MAX: variants seen among roughly 807,000 people sequenced by gnomAD.
The protein encoded by MAX is MYC associated transcriptional regulator X, also known as protein max.
A neutral mutation model predicts 22.3 loss-of-function variants in MAX; 3 were observed. The observed-to-expected ratio is 0.13, with a 90% CI of 0.06 to 0.35. MAX has a LOEUF of 0.35. Among genes scored for constraint, MAX ranks in the 10% least tolerant of loss-of-function variants. MAX has a pLI of 1.00. For missense variants in MAX, 119 were observed against 209.4 expected (o/e 0.57, Z 2.66); for synonymous variants, 72 against 77.7 (o/e 0.93, Z 0.39).
rs1315873183 is a variant in MAX, at chr14:65,023,595, C to T, written c.172-17311G>A. On this transcript the variant is annotated intron_variant, in intron 3 of 3. Transcript: ENST00000341653. The surrounding 1 kb of genome is among the most constrained non-coding windows in gnomAD (Gnocchi z 4.1). ...GTGTCTATAAACATCTATACGTGTT[C>T]TATATTGGCCACTAGCCACAGTTAG... 1.3e-5 allele frequency among the ~76,000 whole-genome samples: 2 copies of T among 152,130 alleles called. No individual in the cohort carries two copies. Among genetic ancestry groups the T allele is most frequent in the Non-Finnish European group, 2.9e-5 (2 of 68,004 alleles).
At chr14:65,016,920 G>GT (rs34191835) in intron 3 of MAX, among the ~76,000 whole-genome samples, 34,982 of 114,650 alleles carry the variant, frequency 0.31, 6,918 homozygotes, top group East Asian at 0.52. Flanking sequence ...GGCCCACGTG[G>GT]TTTTTTTTTT....
chr14:65,053,188 A>G (rs2062651765), intron 3 of MAX: 1 of 1,300,254 alleles, frequency 7.7e-7, no homozygotes, highest in Non-Finnish European at 9.9e-7. Flanking sequence ...TAGGTCATTG[A>G]TACTTGGCTG....
In MAX at chr14:65,077,848, G is replaced by C; in HGVS notation, c.295+65C>G. ...GACTGGCTCTGACTCTGCAGGCCCA[G>C]GTGCCAAAGCCTGACCTGGCTGGAG... is the stretch of plus-strand genomic sequence containing the variant. On this transcript the variant is annotated intron_variant, in intron 4 of 4. Transcript: ENST00000358664. This position sits in a 1 kb window ranked among gnomAD's most constrained non-coding sequence, Gnocchi z 6.3. The C allele has an allele frequency of 6.2e-7, 1 of 1,614,212 alleles. No homozygotes were observed. Among genetic ancestry groups the C allele is most frequent in the South Asian group, 1.1e-5 (1 of 91,084 alleles).
rs1472456340 is a variant in MAX at position 65,076,102 on chromosome 14, G to A, written c.*374C>T. The A allele has an allele frequency of 7.8e-5, 99 of 1,268,094 alleles. No individual in the cohort carries two copies. The highest frequency in any genetic ancestry group is 1.4e-4 in the African/African-American group (9 of 66,596). 78.6% of individuals were successfully genotyped at this position (1,268,094 alleles called of 1,614,324 possible). A position where few individuals can be genotyped will look rare whatever the true frequency, so the allele number is the denominator to read the frequency against. On this transcript the variant is annotated 3_prime_UTR_variant, in exon 5 of 5. Coordinates refer to ENST00000358664, the MANE Select transcript of MAX (RefSeq NM_002382.5). This position sits in a 1 kb window ranked among gnomAD's most constrained non-coding sequence, Gnocchi z 6.6. ...AGGAGGCCACCTGGGCAGGGCAGGCGTCCCCCGGGCATGTGCCCGGCAGGG... is the reference window on the plus strand; with the variant it reads ...AGGAGGCCACCTGGGCAGGGCAGGCATCCCCCGGGCATGTGCCCGGCAGGG...
chr14:65,059,302 G>A (rs10146164), intron 3 of MAX, among the ~76,000 whole-genome samples: 17,296 of 151,576 alleles, frequency 0.11, 1,392 homozygotes, highest in African/African-American at 0.23. Context: ...TTATAGGTGT[G>A]AGCCATTGTA....
Position 65,070,115 on chromosome 14 carries a change from G to A in MAX, c.171+23593C>T, listed in dbSNP as rs2062970294. 6.6e-6 allele frequency among the ~76,000 whole-genome samples: 1 copy of A among 152,204 alleles called. No homozygotes were observed. The highest frequency in any genetic ancestry group is 6.5e-5 in the Admixed American group (1 of 15,288). The stretch of plus-strand genomic sequence containing the variant: ...GCCGGATTCCGGATGAGTGACTGGG[G>A]GTGCATGCCCATTGGGTTATTTTTT... On this transcript the variant is annotated intron_variant, in intron 3 of 3. Coordinates refer to the MAX transcript ENST00000341653. The surrounding 1 kb of genome is among the most constrained non-coding windows in gnomAD (Gnocchi z 4.4).
chr14:65,012,205 A>C lies in MAX; in HGVS notation c.172-5921T>G. The stretch of plus-strand genomic sequence containing the variant: ...TGCTGGTTATCCAGTCAGTGATTGC[A>C]GGGGGACGTCCTGAAGCTGAGTGTT... On this transcript the variant is annotated intron_variant, in intron 3 of 3. Coordinates refer to the MAX transcript ENST00000341653. This position sits in a 1 kb window ranked among gnomAD's most constrained non-coding sequence, Gnocchi z 5.0. 1 of 1,322,680 alleles carries C rather than the reference A, an allele frequency of 7.6e-7. No homozygotes were observed. The highest frequency in any genetic ancestry group is 1.1e-6 in the Non-Finnish European group (1 of 936,982). The allele number at this position is 1,322,680 out of a possible 1,614,324, so 81.9% of individuals were successfully genotyped here. A position where few individuals can be genotyped will look rare whatever the true frequency, so the allele number is the denominator to read the frequency against.
intron 3 of MAX, among the ~76,000 whole-genome samples, chr14:65,035,556 G>A (rs1315981363): frequency 2.6e-5 from 4 of 151,932 alleles, no homozygotes; most frequent in Non-Finnish European, 4.4e-5. Flanking sequence ...TTGAGACCGA[G>A]TCTTGCTCTG....
At chr14:65,102,544 A>C (rs1485830220), upstream of MAX, 4 of 1,446,412 alleles carry the variant, frequency 2.8e-6, no homozygotes, top group Non-Finnish European at 3.6e-6. Context: ...GGCGGCACGC[A>C]CGCCCGGTCG....
At chr14:65,016,140 T>TC (rs1406134167) in intron 3 of MAX, among the ~76,000 whole-genome samples, 1 of 152,150 alleles carries the variant, frequency 6.6e-6, no homozygotes, top group African/African-American at 2.4e-5. Context: ...ACCTCCCCGC[T>TC]CCCGGTGCTT....
chr14:65,102,530 C>CA, upstream of MAX: 1 of 1,451,412 alleles, frequency 6.9e-7, no homozygotes, highest in Non-Finnish European at 9.1e-7. Flanking sequence ...AGCACCGGAT[C>CA]AACGGCGGCA....
At chr14:65,051,401 A>G (rs1241770470) in intron 3 of MAX, among the ~76,000 whole-genome samples, 1 of 152,222 alleles carries the variant, frequency 6.6e-6, no homozygotes, top group Non-Finnish European at 1.5e-5. Flanking sequence ...ACCTGAGGTC[A>G]GGAGTTAGAG....
At chr14:65,040,753 C>G (rs1188919611) in intron 3 of MAX, 11 of 1,603,942 alleles carry the variant, frequency 6.9e-6, no homozygotes, top group Middle Eastern at 2.2e-4. Context: ...CGTCCACTCA[C>G]TGGCCACTCA....
chr14:65,064,308 A>G (rs2062909399), intron 3 of MAX, among the ~76,000 whole-genome samples: 1 of 152,200 alleles, frequency 6.6e-6, no homozygotes, highest in Non-Finnish European at 1.5e-5. Flanking sequence ...GGAAAGTATA[A>G]TATGATTTAA....
chr14:65,076,710 G>C lies in MAX; in HGVS notation c.296-47C>G, dbSNP rs2063068115. 1.2e-6 allele frequency: 2 copies of C among 1,610,380 alleles called. No homozygotes were observed. The highest frequency in any genetic ancestry group is 1.1e-5 in the South Asian group (1 of 90,950). ...GTGTTACTGCCTTCTGGAGACTTGGGGAGTAACCGAGTCTCAGACTCAGGG... is the reference window on the plus strand; with the variant it reads ...GTGTTACTGCCTTCTGGAGACTTGGCGAGTAACCGAGTCTCAGACTCAGGG... On this transcript the variant is annotated intron_variant, in intron 4 of 4. Transcript: ENST00000358664. This position sits in a 1 kb window ranked among gnomAD's most constrained non-coding sequence, Gnocchi z 6.6.
intron 3 of MAX, among the ~76,000 whole-genome samples, chr14:65,053,625 T>TA (rs201558638): frequency 1.8e-4 from 27 of 146,292 alleles, no homozygotes; most frequent in East Asian, 1.8e-3. Context: ...CTTCTTTTTT[T>TA]TAAAAAAAAC....
intron 3 of MAX, among the ~76,000 whole-genome samples, chr14:65,039,220 G>C (rs545273197): frequency 7.9e-5 from 12 of 152,308 alleles, no homozygotes; most frequent in African/African-American, 2.6e-4. Flanking sequence ...GGGCTTATCA[G>C]TTCCCTCAGA....
chr14:65,076,340 A>T lies in MAX; in HGVS notation c.*136T>A. 2 of 1,534,354 alleles carry T rather than the reference A, an allele frequency of 1.3e-6. No individual in the cohort carries two copies. On this transcript the variant is annotated 3_prime_UTR_variant, in exon 5 of 5. Coordinates refer to ENST00000358664, the MANE Select transcript of MAX (RefSeq NM_002382.5). This position sits in a 1 kb window ranked among gnomAD's most constrained non-coding sequence, Gnocchi z 6.6. ...TGTCCAAGAGCTTCTACGTAAAAAT[A>T]AAAATTTAAAAAAAAAAGGGAGAAA...
chr14:65,099,028 C>T (rs1264453543), intron 2 of MAX, among the ~76,000 whole-genome samples: 2 of 152,166 alleles, frequency 1.3e-5, no homozygotes, highest in Non-Finnish European at 2.9e-5. Context: ...TCACAGTCCA[C>T]ATCTTTTTTT....
Sources: allele counts gnomAD v4.1 joint callset (sites outside exome capture counted in the v4.1 genomes callset), GRCh38; gene constraint gnomAD v4.1.1; non-coding constraint Gnocchi (gnomAD v3.1); transcripts MANE v1.5; gene names NCBI Gene and HGNC (gene_info 2026-07-23, HGNC 2026-07-21).